The following CBLB variants were observed in gnomAD, a reference collection of about 807,000 sequenced individuals.
CBLB encodes Cbl proto-oncogene B.
Under a neutral mutation model 104.9 loss-of-function variants are expected in CBLB, and 31 were observed. That is an observed-to-expected ratio of 0.30 (90% confidence interval 0.22 to 0.40). The LOEUF is 0.40. Ranked by LOEUF, CBLB falls within the 10% of genes least tolerant of loss-of-function variation. CBLB has a pLI of 1.00. For synonymous variants in CBLB, 440 were observed against 422.6 expected (o/e 1.04, Z -0.51); for missense variants, 1,062 against 1,214.6 (o/e 0.87, Z 1.87).
At chr3:105,754,533 G>GAGAC (rs1553767709) in intron 4 of CBLB, among the ~76,000 whole-genome samples, 74 of 129,422 alleles carry the variant, frequency 5.7e-4, no homozygotes, top group East Asian at 1.3e-3. Context: ...CAGAGAGAGA[G>GAGAC]AGAGAGAGAG....
At chr3:105,730,856 CTACTT>C (rs1417394153) in intron 9 of CBLB, among the ~76,000 whole-genome samples, 2 of 152,088 alleles carry the variant, frequency 1.3e-5, no homozygotes, top group Non-Finnish European at 2.9e-5. Flanking sequence ...ATTTTTGTTT[CTACTT>C]TACTTAGTAA....
chr3:105,803,817 A>C (rs747268753), intron 3 of CBLB, among the ~76,000 whole-genome samples: 1 of 152,166 alleles, frequency 6.6e-6, no homozygotes, highest in Non-Finnish European at 1.5e-5. Context: ...TTTTCACTAT[A>C]ATTTTTAAGT....
At chr3:105,708,850 A>C (rs1576507358) in intron 10 of CBLB, among the ~76,000 whole-genome samples, 1 of 152,132 alleles carries the variant, frequency 6.6e-6, no homozygotes, top group South Asian at 2.1e-4. Flanking sequence ...TAAAATATTT[A>C]ATTTTTATTT....
chr3:105,851,371 G>T (rs1333461023), intron 3 of CBLB, among the ~76,000 whole-genome samples: 3 of 150,510 alleles, frequency 2.0e-5, no homozygotes, highest in African/African-American at 7.3e-5. Context: ...GTTGCCATGG[G>T]TTCAGGGGGG....
chr3:105,862,420 C>T (rs2092163987), intron 2 of CBLB, among the ~76,000 whole-genome samples: 1 of 152,156 alleles, frequency 6.6e-6, no homozygotes, highest in African/African-American at 2.4e-5. Flanking sequence ...ACTTTCACTG[C>T]ACCTTCTCTT....
intron 12 of CBLB, among the ~76,000 whole-genome samples, chr3:105,693,943 A>G (rs1239843690): frequency 6.6e-6 from 1 of 152,022 alleles, no homozygotes; most frequent in African/African-American, 2.4e-5. Flanking sequence ...TAAGGGGTAA[A>G]GAAAAAAGCA....
At chr3:105,801,566 A>G (rs1391189684) in intron 3 of CBLB, among the ~76,000 whole-genome samples, 1 of 152,236 alleles carries the variant, frequency 6.6e-6, no homozygotes, top group East Asian at 1.9e-4. Context: ...GCTTACCCAC[A>G]TCACTGCATT....
intron 3 of CBLB, among the ~76,000 whole-genome samples, chr3:105,787,940 A>G (rs1223154677): frequency 6.6e-6 from 1 of 152,226 alleles, no homozygotes; most frequent in Non-Finnish European, 1.5e-5. Context: ...ATGTTAATGA[A>G]TAGTAAACAC....
At chr3:105,699,804 C>T (rs946675201) in intron 12 of CBLB, among the ~76,000 whole-genome samples, 2 of 152,094 alleles carry the variant, frequency 1.3e-5, no homozygotes, top group African/African-American at 4.8e-5. Flanking sequence ...TTCTTTTTTA[C>T]AGCTCACTCC....
In CBLB at chr3:105,681,552, A is replaced by G. The variant is rs769872553; in HGVS notation, c.2355T>C (p.Thr785=). The part of the protein sequence containing the change: ...PVPLPPARPP[T]RDNPKHGSSL... ...AAGAACCATGCTTTGGATTGTCCCG[A>G]GTTGGAGGCCTGGCAGGTGGTAATG... is the stretch of plus-strand genomic sequence containing the variant. Residue 785 remains threonine (T), a synonymous_variant, in exon 16 of 19, where the codon ACT becomes ACC. Transcript: ENST00000394030. 3 of 1,613,944 alleles carry G rather than the reference A, an allele frequency of 1.9e-6. No individual in the cohort carries two copies. The highest frequency in any genetic ancestry group is 2.5e-6 in the Non-Finnish European group (3 of 1,179,948).
At chr3:105,662,855 G>T (rs538738522) in intron 18 of CBLB, among the ~76,000 whole-genome samples, 49 of 152,316 alleles carry the variant, frequency 3.2e-4, no homozygotes, top group African/African-American at 1.2e-3. Flanking sequence ...AAAGAAGAGA[G>T]TGATGTGGCC....
chr3:105,867,652 G>C, intron 1 of CBLB, 61 bp from the exon 2 acceptor site: 1 of 1,427,308 alleles, frequency 7.0e-7, no homozygotes. Flanking sequence ...TTACCCACCA[G>C]AAAACTAGAG....
chr3:105,700,785 CT>C (rs1308617988), intron 12 of CBLB, among the ~76,000 whole-genome samples: 1 of 152,182 alleles, frequency 6.6e-6, no homozygotes, highest in Non-Finnish European at 1.5e-5. Context: ...GTGACTCTTC[CT>C]TTCCTGGCTA....
At chr3:105,696,610 C>T (rs1208845713) in intron 12 of CBLB, among the ~76,000 whole-genome samples, 1 of 151,720 alleles carries the variant, frequency 6.6e-6, no homozygotes, top group African/African-American at 2.4e-5. Flanking sequence ...ATTTTTTTGT[C>T]CTCTGCATTC....
chr3:105,740,074 G>A (rs1437743075), intron 7 of CBLB, among the ~76,000 whole-genome samples: 2 of 151,058 alleles, frequency 1.3e-5, no homozygotes, highest in East Asian at 3.9e-4. Flanking sequence ...CTGCACTCCA[G>A]CCTGGCAACA....
At chr3:105,670,438 A>C in intron 17 of CBLB, 86 bp from the exon 18 acceptor site, 5 of 1,065,744 alleles carry the variant, frequency 4.7e-6, no homozygotes, top group Non-Finnish European at 6.9e-6. Context: ...TTTTATGAAG[A>C]TTATGGCTTT....
Position 105,746,054 on chromosome 3 carries a change from A to G in CBLB, c.724-16T>C, listed in dbSNP as rs1334954709. 1 of 1,532,164 alleles carries G rather than the reference A, an allele frequency of 6.5e-7. No individual in the cohort carries two copies. Among genetic ancestry groups the G allele is most frequent in the African/African-American group, 1.4e-5 (1 of 72,996 alleles). 94.9% of individuals were successfully genotyped at this position (1,532,164 alleles called of 1,614,324 possible). On this transcript the variant is annotated splice_polypyrimidine_tract_variant and intron_variant, in intron 5 of 18. Coordinates refer to ENST00000394030, the MANE Select transcript of CBLB (RefSeq NM_170662.5). ...AGCCCCAAGGCTAAAAAATAAAAAA[A>G]TTAAAAGAGATTAGTATCTAGAGAA...
chr3:105,678,669 T>C (rs1280623310), intron 16 of CBLB, 98 bp from the exon 17 acceptor site: 2 of 1,343,564 alleles, frequency 1.5e-6, no homozygotes, highest in Non-Finnish European at 2.1e-6. Flanking sequence ...TTGCTGCTTA[T>C]AAAGAATTTC....
chr3:105,752,893 C>G (rs749184089), intron 4 of CBLB, among the ~76,000 whole-genome samples: 44 of 152,216 alleles, frequency 2.9e-4, no homozygotes, highest in Non-Finnish European at 4.0e-4. Context: ...GCTGCTGCTG[C>G]TGCTCTAGAG....
Sources: gnomAD v4.1 joint callset for allele counts (sites outside exome capture counted in the v4.1 genomes callset) on GRCh38, gnomAD v4.1.1 for gene constraint, MANE v1.5 for transcripts, NCBI Gene and HGNC (gene_info 2026-07-23, HGNC 2026-07-21) for gene names.